AUTS2: variants seen among roughly 807,000 people sequenced by gnomAD.
AUTS2 encodes the protein autism susceptibility gene 2 protein.
AUTS2 carries 17 observed loss-of-function variants against 112.4 expected under a neutral mutation model. That is an observed-to-expected ratio of 0.15 (90% CI 0.10 to 0.23). The LOEUF is 0.23. AUTS2 is among the 10% of genes least tolerant of loss of function. AUTS2 has a pLI of 1.00. For missense variants in AUTS2, 1,510 were observed against 1,701.6 expected (o/e 0.89, Z 1.98); for synonymous variants, 751 against 702.7 (o/e 1.07, Z -1.09).
At position 70,025,335 on chromosome 7, in the gene AUTS2, T is replaced by C. The variant is rs183777341; in HGVS notation, c.523-92797T>C. On this transcript the variant is annotated intron_variant, in intron 2 of 18. Transcript: ENST00000342771. ...AACTCTAATCTGCCTTTCCTGCAGA[T>C]ATACTCTCTTCTGTATCTGCTTGTT... 1.1e-4 allele frequency among the ~76,000 whole-genome samples: 17 copies of C among 152,270 alleles called. No homozygotes were observed. In the East Asian group the frequency reaches 2.9e-3, roughly 26 times the overall value.
At chr7:70,611,495 G>A (rs562806828) in intron 5 of AUTS2, among the ~76,000 whole-genome samples, 20 of 152,284 alleles carry the variant, frequency 1.3e-4, no homozygotes, top group South Asian at 1.0e-3. Flanking sequence ...GCTGCCTACC[G>A]TGGGGCTTTG....
Position 70,107,865 on chromosome 7 carries a change from C to T in AUTS2, c.523-10267C>T, listed in dbSNP as rs888558076. On this transcript the variant is annotated intron_variant, in intron 2 of 18. Transcript: ENST00000342771. Reference sequence around the variant, plus strand: ...CGTCTCTACTAAAAATACAAAAATTCGCTGGGCATGGTGGGCGTGCCTGTA... The same window carrying T: ...CGTCTCTACTAAAAATACAAAAATTTGCTGGGCATGGTGGGCGTGCCTGTA... 3.3e-5 allele frequency among the ~76,000 whole-genome samples: 5 copies of T among 151,002 alleles called. No homozygotes were observed. The South Asian group carries it at 1.1e-3, about 32-fold the overall frequency.
chr7:69,739,904 T>C (rs566545312), intron 1 of AUTS2, among the ~76,000 whole-genome samples: 1 of 152,264 alleles, frequency 6.6e-6, no homozygotes, highest in East Asian at 1.9e-4. Context: ...GTCTGGAGAA[T>C]TAGAAACCAG....
At chr7:70,544,255 A>G (rs1042974294) in intron 5 of AUTS2, among the ~76,000 whole-genome samples, 1 of 152,188 alleles carries the variant, frequency 6.6e-6, no homozygotes, top group African/African-American at 2.4e-5. Flanking sequence ...ACTTGGAGGC[A>G]TTTTAAGTAA....
intron 5 of AUTS2, among the ~76,000 whole-genome samples, chr7:70,544,747 C>G (rs926999310): frequency 4.6e-5 from 7 of 152,108 alleles, no homozygotes; most frequent in African/African-American, 1.7e-4. Context: ...ATAAAGTGAT[C>G]TAGGTTAGAG....
intron 1 of AUTS2, among the ~76,000 whole-genome samples, chr7:69,838,921 A>T (rs1251305058): frequency 6.6e-6 from 1 of 152,154 alleles, no homozygotes; most frequent in Non-Finnish European, 1.5e-5. Flanking sequence ...CTAGTTAGGG[A>T]TATGAGCTCC....
chr7:70,244,279 TAAAC>T (rs1182813206), intron 4 of AUTS2, among the ~76,000 whole-genome samples: 2 of 152,214 alleles, frequency 1.3e-5, no homozygotes, highest in Non-Finnish European at 2.9e-5. Flanking sequence ...TTTGTTCACT[TAAAC>T]TAATAATTTG....
intron 6 of AUTS2, among the ~76,000 whole-genome samples, chr7:70,743,938 C>G (rs2129554447): frequency 6.6e-6 from 1 of 152,242 alleles, no homozygotes; most frequent in East Asian, 1.9e-4. Flanking sequence ...TTTCAAAAAG[C>G]AGGAAGGGGT....
At chr7:70,496,809 C>G (rs1226373613) in intron 5 of AUTS2, among the ~76,000 whole-genome samples, 3 of 138,704 alleles carry the variant, frequency 2.2e-5, no homozygotes, top group Non-Finnish European at 4.6e-5. Context: ...CACACATGCA[C>G]ACGTCACATC....
At chr7:69,891,509 G>A (rs1455723980) in intron 1 of AUTS2, among the ~76,000 whole-genome samples, 3 of 152,048 alleles carry the variant, frequency 2.0e-5, no homozygotes, top group African/African-American at 7.2e-5. Context: ...TAGAACGGTT[G>A]GATCATATGG....
chr7:70,314,214 G>A (rs895946124), intron 4 of AUTS2, among the ~76,000 whole-genome samples: 3 of 152,078 alleles, frequency 2.0e-5, no homozygotes, highest in Admixed American at 6.5e-5. Context: ...AAGTAAACAG[G>A]CATACATTTA....
At chr7:70,167,487 C>T (rs1221263370) in intron 4 of AUTS2, among the ~76,000 whole-genome samples, 1 of 152,176 alleles carries the variant, frequency 6.6e-6, no homozygotes, top group Non-Finnish European at 1.5e-5. Flanking sequence ...TTTCATTGCT[C>T]ATCCCTCACA....
chr7:70,062,039 C>T (rs1397929098), intron 2 of AUTS2, among the ~76,000 whole-genome samples: 1 of 151,924 alleles, frequency 6.6e-6, no homozygotes, highest in Non-Finnish European at 1.5e-5. Context: ...CCACCCACCT[C>T]GGCCTCCCAA....
chr7:70,713,701 T>C (rs1434856848), intron 6 of AUTS2, among the ~76,000 whole-genome samples: 1 of 151,918 alleles, frequency 6.6e-6, no homozygotes, highest in African/African-American at 2.4e-5. Context: ...GAGACCATCC[T>C]GGCTAACATG....
chr7:69,945,778 C>T (rs903678590), intron 2 of AUTS2, among the ~76,000 whole-genome samples: 1 of 152,152 alleles, frequency 6.6e-6, no homozygotes, highest in Non-Finnish European at 1.5e-5. Context: ...TTGATCACAT[C>T]TTCCCATTTC....
Position 70,117,109 on chromosome 7 carries a change from TTTTTTTTG to T in AUTS2, c.523-1015_523-1008del, listed in dbSNP as rs1434339255. ...AACTTCATGAGATGACTTTTGTTTT[TTTTTTTTG>T]TTTTTTTTTGTTTTTTTTTGTTTTT... On this transcript the variant is annotated intron_variant, in intron 2 of 18. Transcript: ENST00000342771. Among the ~76,000 whole-genome samples the T allele has an allele frequency of 4.4e-3, 402 of 90,738 alleles. 8 individuals are homozygous for T. The highest frequency in any genetic ancestry group is 0.017 in the African/African-American group (388 of 22,198). The allele number at this position is 90,738 out of a possible 152,430, so 59.5% of individuals were successfully genotyped here.
chr7:70,585,810 T>C (rs1802655870), intron 5 of AUTS2, among the ~76,000 whole-genome samples: 1 of 152,122 alleles, frequency 6.6e-6, no homozygotes, highest in South Asian at 2.1e-4. Flanking sequence ...AGGCTACATG[T>C]GGGACAAAAC....
chr7:70,386,867 A>T (rs1003421179), intron 4 of AUTS2, among the ~76,000 whole-genome samples: 1 of 152,168 alleles, frequency 6.6e-6, no homozygotes, highest in Non-Finnish European at 1.5e-5. Context: ...TTTCTGTAGG[A>T]TGAATGATCT....
intron 5 of AUTS2, among the ~76,000 whole-genome samples, chr7:70,518,412 G>A (rs935577531): frequency 3.9e-5 from 6 of 152,230 alleles, no homozygotes; most frequent in African/African-American, 1.4e-4. Context: ...GCTGGGTGCG[G>A]TGGCTCATGC....
Sources: gnomAD v4.1 joint callset for allele counts (sites outside exome capture counted in the v4.1 genomes callset) on GRCh38, gnomAD v4.1.1 for gene constraint, MANE v1.5 for transcripts, NCBI Gene and HGNC (gene_info 2026-07-23, HGNC 2026-07-21) for gene names.